NBDY: variants seen among roughly 807,000 people sequenced by gnomAD.
NBDY encodes the protein negative regulator of P-body association.
rs1044045972 is a variant in NBDY at position 56,787,842 on chromosome X, C to A, written c.*167-29478C>A. Among the ~76,000 whole-genome samples, 3 of 112,540 alleles carry A rather than the reference C, an allele frequency of 2.7e-5. 1 individual carries two copies. Among genetic ancestry groups the A allele is most frequent in the South Asian group, 7.4e-4 (2 of 2,720 alleles). On this transcript the variant is annotated intron_variant, in intron 2 of 2. Transcript: ENST00000374922. ...TAGCTGCCTGTTGAGTGGGTGGCCC[C>A]AGTGGCCCATTCTGGTGACCTCCAT... is the stretch of plus-strand genomic sequence containing the variant.
intron 2 of NBDY, among the ~76,000 whole-genome samples, chrX:56,757,356 A>G (rs2069616425): frequency 8.9e-6 from 1 of 112,235 alleles, no homozygotes; most frequent in South Asian, 3.7e-4. Flanking sequence ...GGCAGCATTG[A>G]TTTCACAGCA....
At position 56,810,325 on chromosome X, in the gene NBDY, T is replaced by A. The variant is rs746965891; in HGVS notation, c.*167-6995T>A. 4.5e-5 allele frequency among the ~76,000 whole-genome samples: 5 copies of A among 111,634 alleles called. No homozygotes were observed. In the South Asian group the frequency reaches 1.9e-3, roughly 42 times the overall value. The stretch of plus-strand genomic sequence containing the variant: ...GCTAGATTGGGGAAGTTCTCCTGGA[T>A]AATATCATGAAGAGTCTTTTCCAAC... On this transcript the variant is annotated intron_variant, in intron 2 of 2. Coordinates refer to ENST00000374922, the MANE Select transcript of NBDY (RefSeq NM_001348129.2).
At chrX:56,746,783 A>T (rs760032119) in intron 2 of NBDY, among the ~76,000 whole-genome samples, 49 of 111,457 alleles carry the variant, frequency 4.4e-4, no homozygotes, top group African/African-American at 1.6e-3. Flanking sequence ...TTAGATTGTC[A>T]TCTCTTTTCT....
At position 56,754,382 on chromosome X, in the gene NBDY, A is replaced by G. The variant is rs779529497; in HGVS notation, c.*166+22183A>G. Among the ~76,000 whole-genome samples the G allele has an allele frequency of 6.2e-4, 70 of 112,166 alleles. 1 individual carries two copies. In the South Asian group the frequency reaches 6.3e-3, roughly 10 times the overall value. On this transcript the variant is annotated intron_variant, in intron 2 of 2. Coordinates refer to ENST00000374922, the MANE Select transcript of NBDY (RefSeq NM_001348129.2). ...AACAGCACTGTCCCATAGACCTAAC[A>G]GGCATGTATAGAACACTTCATCTAA...
chrX:56,816,939 G>C (rs1453125460), intron 2 of NBDY, among the ~76,000 whole-genome samples: 1 of 111,135 alleles, frequency 9.0e-6, no homozygotes, highest in East Asian at 2.8e-4. Flanking sequence ...AAGGAATATA[G>C]GAGTTTGTCA....
chrX:56,739,773 T>C (rs2069522776), intron 2 of NBDY, among the ~76,000 whole-genome samples: 1 of 111,268 alleles, frequency 9.0e-6, no homozygotes, highest in Non-Finnish European at 1.9e-5. Flanking sequence ...TTCCTCTTTA[T>C]AATTAATGAT....
At chrX:56,807,590 G>A (rs771962336) in intron 2 of NBDY, among the ~76,000 whole-genome samples, 5 of 111,525 alleles carry the variant, frequency 4.5e-5, no homozygotes, top group Admixed American at 9.5e-5. Context: ...GTGAATGGGA[G>A]TTCACTCATG....
intron 2 of NBDY, among the ~76,000 whole-genome samples, chrX:56,816,589 C>T (rs185579802): frequency 4.0e-3 from 445 of 110,943 alleles, no homozygotes; most frequent in African/African-American, 0.013. Context: ...TGAGACTGAT[C>T]TATTTTTATA....
chrX:56,791,393 C>T (rs759360550), intron 2 of NBDY, among the ~76,000 whole-genome samples: 3 of 111,838 alleles, frequency 2.7e-5, no homozygotes, highest in East Asian at 2.8e-4. Flanking sequence ...CCCTGGTGTC[C>T]GATTCATCCC....
At chrX:56,734,350 A>C (rs1476682562) in intron 2 of NBDY, among the ~76,000 whole-genome samples, 1 of 112,166 alleles carries the variant, frequency 8.9e-6, no homozygotes, top group Non-Finnish European at 1.9e-5. Flanking sequence ...GCACTACAAC[A>C]GTGAACATAA....
rs758420619 is a variant in NBDY, at chrX:56,740,831, G to T, written c.*166+8632G>T. 2.7e-5 allele frequency among the ~76,000 whole-genome samples: 3 copies of T among 110,679 alleles called. No homozygotes were observed. In the East Asian group the frequency reaches 8.5e-4, roughly 31 times the overall value. Reference sequence around the variant, plus strand: ...TAATAATCACATCATGTACAATGGGGTATCCATCATTTCAAGCATTTATCC... The same window carrying T: ...TAATAATCACATCATGTACAATGGGTTATCCATCATTTCAAGCATTTATCC... On this transcript the variant is annotated intron_variant, in intron 2 of 2. Coordinates refer to ENST00000374922, the MANE Select transcript of NBDY (RefSeq NM_001348129.2).
chrX:56,739,205 C>T (rs919751126), intron 2 of NBDY, among the ~76,000 whole-genome samples: 2 of 84,532 alleles, frequency 2.4e-5, no homozygotes, highest in Non-Finnish European at 4.5e-5. Flanking sequence ...TAAAGTGCCC[C>T]AACATTATAC....
intron 2 of NBDY, chrX:56,737,438 G>A: frequency 1.5e-6 from 1 of 686,393 alleles, no homozygotes; most frequent in Non-Finnish European, 2.3e-6. Flanking sequence ...CCTTCTTATG[G>A]CTTCTTTTAT....
chrX:56,766,948 T>A (rs1283634347), intron 2 of NBDY, among the ~76,000 whole-genome samples: 1 of 112,656 alleles, frequency 8.9e-6, no homozygotes, highest in Non-Finnish European at 1.9e-5. Flanking sequence ...TGAGGGAGAC[T>A]CCTGCCTCAG....
chrX:56,816,019 T>G (rs2069909194), intron 2 of NBDY, among the ~76,000 whole-genome samples: 2 of 111,739 alleles, frequency 1.8e-5, no homozygotes, highest in South Asian at 7.4e-4. Context: ...TAATTTTCTT[T>G]TATAAAACAT....
At chrX:56,758,190 A>G (rs1297494402) in intron 2 of NBDY, among the ~76,000 whole-genome samples, 1 of 110,025 alleles carries the variant, frequency 9.1e-6, no homozygotes, top group Admixed American at 9.6e-5. Flanking sequence ...AAAAATTAGC[A>G]TGTAATCTCA....
intron 2 of NBDY, among the ~76,000 whole-genome samples, chrX:56,786,219 G>A (rs2069727084): frequency 9.0e-6 from 1 of 110,939 alleles, no homozygotes. Flanking sequence ...CTCAGGGCAA[G>A]GTTCAGCCTG....
At chrX:56,808,244 T>C (rs755523119) in intron 2 of NBDY, among the ~76,000 whole-genome samples, 1 of 112,101 alleles carries the variant, frequency 8.9e-6, no homozygotes, top group Non-Finnish European at 1.9e-5. Context: ...CAGGCTTTGG[T>C]ATCAGGATGA....
chrX:56,749,861 A>G (rs1266603062), intron 2 of NBDY, among the ~76,000 whole-genome samples: 1 of 110,928 alleles, frequency 9.0e-6, no homozygotes, highest in Non-Finnish European at 1.9e-5. Context: ...CATGTTACCC[A>G]GGCTGGTCTC....
Sources: gnomAD v4.1 joint callset for allele counts (sites outside exome capture counted in the v4.1 genomes callset) on GRCh38, gnomAD v4.1.1 for gene constraint, MANE v1.5 for transcripts, NCBI Gene and HGNC (gene_info 2026-07-23, HGNC 2026-07-21) for gene names.